The following PSD3 variants were observed in gnomAD, a reference collection of about 807,000 sequenced individuals.
The protein encoded by PSD3 is PH and SEC7 domain-containing protein 3.
PSD3 carries 49 observed loss-of-function variants against 105.5 expected under a neutral mutation model. The observed-to-expected ratio is 0.46, with a 90% CI of 0.37 to 0.59. The LOEUF (loss-of-function observed/expected upper bound fraction) is 0.59, where lower values mean the gene tolerates loss of function less well. Among genes scored for constraint, PSD3 ranks in the 20% least tolerant of loss-of-function variants. PSD3 has a pLI of 0.00. For missense variants in PSD3, 1,561 were observed against 1,263.8 expected, an observed-to-expected ratio of 1.24 and a Z score of -3.57; for synonymous variants, 557 against 457.8, an observed-to-expected ratio of 1.22 and a Z score of -2.77.
intron 10 of PSD3, among the ~76,000 whole-genome samples, chr8:18,642,824 G>A (rs1807750085): frequency 6.6e-6 from 1 of 152,164 alleles, no homozygotes; most frequent in East Asian, 1.9e-4. Context: ...TAGACATGAA[G>A]CAAACAATGT....
chr8:18,657,957 A>AT (rs1809025667), intron 9 of PSD3, among the ~76,000 whole-genome samples: 1 of 152,218 alleles, frequency 6.6e-6, no homozygotes, highest in Non-Finnish European at 1.5e-5. Flanking sequence ...TCTAGCACAA[A>AT]TTTTTTCAAA....
intron 11 of PSD3, among the ~76,000 whole-genome samples, chr8:18,615,973 A>G (rs1167399495): frequency 6.6e-6 from 1 of 152,264 alleles, no homozygotes; most frequent in Non-Finnish European, 1.5e-5. Context: ...AAAATAACTC[A>G]AAGTGGCTGA....
At chr8:18,592,706 A>C (rs1465302406) in intron 12 of PSD3, among the ~76,000 whole-genome samples, 1 of 152,142 alleles carries the variant, frequency 6.6e-6, no homozygotes, top group Non-Finnish European at 1.5e-5. Flanking sequence ...ACAAACAAAC[A>C]AACAAACAAA....
At position 18,676,615 on chromosome 8, in the gene PSD3, G is replaced by A. The variant is rs1443452974; in HGVS notation, c.2173-20930C>T. Among the ~76,000 whole-genome samples, 8 of 152,158 alleles carry A rather than the reference G, an allele frequency of 5.3e-5. No homozygotes were observed. The South Asian group carries it at 1.7e-3, about 32-fold the overall frequency. The stretch of plus-strand genomic sequence containing the variant: ...TGCCGAACAATTGATTTACAGCCTT[G>A]TTGCTGCTGGCCAGACCAGCGAGGA... On this transcript the variant is annotated intron_variant, in intron 9 of 15. Transcript: ENST00000327040.
chr8:18,789,901 C>T (rs1041930992), intron 8 of PSD3, among the ~76,000 whole-genome samples: 2 of 152,080 alleles, frequency 1.3e-5, no homozygotes, highest in Non-Finnish European at 2.9e-5. Flanking sequence ...CAGAACTGTG[C>T]CAATGTAAAA....
chr8:18,973,139 G>A (rs998329782), intron 1 of PSD3, among the ~76,000 whole-genome samples: 1 of 152,144 alleles, frequency 6.6e-6, no homozygotes, highest in Non-Finnish European at 1.5e-5. Flanking sequence ...TGGACCATCT[G>A]GGGGTTCTGA....
In PSD3 at chr8:18,716,225, C is replaced by T. The variant is rs541507111; in HGVS notation, c.2172+49224G>A. Reference sequence around the variant, plus strand: ...AAGGCTGAATGTCTACGAAACACGCCCACATCCATACTTACCACTCATGGT... The same window carrying T: ...AAGGCTGAATGTCTACGAAACACGCTCACATCCATACTTACCACTCATGGT... On this transcript the variant is annotated intron_variant, in intron 9 of 15. Coordinates refer to ENST00000327040, the MANE Select transcript of PSD3 (RefSeq NM_015310.4). Among the ~76,000 whole-genome samples the T allele has an allele frequency of 1.4e-4, 22 of 152,278 alleles. No individual in the cohort carries two copies. In the East Asian group the frequency reaches 2.3e-3, roughly 16 times the overall value.
chr8:18,540,245 A>G (rs1800084125), intron 15 of PSD3, among the ~76,000 whole-genome samples: 1 of 152,208 alleles, frequency 6.6e-6, no homozygotes, highest in Non-Finnish European at 1.5e-5. Flanking sequence ...TTGTTTTTTA[A>G]GACATAATGC....
intron 4 of PSD3, among the ~76,000 whole-genome samples, chr8:18,811,863 A>T (rs184397753): frequency 1.3e-5 from 2 of 152,300 alleles, no homozygotes; most frequent in Non-Finnish European, 1.5e-5. Context: ...TTTTTATGAC[A>T]CTCCAAGGCC....
At chr8:18,994,893 A>G (rs929017189) in intron 1 of PSD3, among the ~76,000 whole-genome samples, 7 of 151,856 alleles carry the variant, frequency 4.6e-5, no homozygotes, top group Non-Finnish European at 8.8e-5. Context: ...TTCAGAGTTC[A>G]GATAATTAAT....
chr8:18,971,156 T>C (rs746847889), intron 1 of PSD3, among the ~76,000 whole-genome samples: 4 of 152,014 alleles, frequency 2.6e-5, no homozygotes, highest in African/African-American at 2.4e-5. Context: ...CCTTCCTATG[T>C]AGATTACAAA....
chr8:18,817,570 A>G lies in PSD3; in HGVS notation c.1635-12672T>C, dbSNP rs532428619. On this transcript the variant is annotated intron_variant, in intron 4 of 15. Coordinates refer to ENST00000327040, the MANE Select transcript of PSD3 (RefSeq NM_015310.4). ...AATCAAATTGCAAGAAGCTTAAAGG[A>G]AAAGTCAAACAACTGTGTACTCGTC... Among the ~76,000 whole-genome samples the G allele has an allele frequency of 8.2e-4, 125 of 152,358 alleles. 2 individuals carry two copies. The South Asian group carries it at 0.026, about 31-fold the overall frequency.
At position 18,782,461 on chromosome 8, in the gene PSD3, T is replaced by A. The variant is rs565296133; in HGVS notation, c.2082+16834A>T. On this transcript the variant is annotated intron_variant, in intron 8 of 15. Coordinates refer to ENST00000327040, the MANE Select transcript of PSD3 (RefSeq NM_015310.4). The stretch of plus-strand genomic sequence containing the variant: ...CTTTAGCATCAGTGGTGTCTATGAG[T>A]TCCTCAGTGGATAAAGCTGTGGCTT... 2.0e-5 allele frequency among the ~76,000 whole-genome samples: 3 copies of A among 152,296 alleles called. No individual in the cohort carries two copies. In the South Asian group the frequency reaches 6.2e-4, roughly 32 times the overall value.
At chr8:18,681,188 G>C (rs1199621101) in intron 9 of PSD3, among the ~76,000 whole-genome samples, 1 of 152,108 alleles carries the variant, frequency 6.6e-6, no homozygotes, top group Non-Finnish European at 1.5e-5. Flanking sequence ...TTTTTTACAG[G>C]TTGGGAAGAT....
At chr8:18,621,908 T>A (rs927409919) in intron 11 of PSD3, among the ~76,000 whole-genome samples, 1 of 152,266 alleles carries the variant, frequency 6.6e-6, no homozygotes, top group African/African-American at 2.4e-5. Context: ...CAAAGAATTC[T>A]GCCTGCATTA....
chr8:18,865,261 TATATATATATATATATATATA>T (rs1340686466), intron 4 of PSD3: 363 of 7,782 alleles, frequency 0.047, 50 homozygotes, highest in Non-Finnish European at 0.055. Flanking sequence ...TATATATATA[TATATATATATATATATATATA>T]TATATTTTTT....
chr8:18,822,392 T>A (rs1040430470), intron 4 of PSD3, among the ~76,000 whole-genome samples: 1 of 152,162 alleles, frequency 6.6e-6, no homozygotes, highest in African/African-American at 2.4e-5. Flanking sequence ...TTAGTAGTAG[T>A]ACAGTCCATC....
intron 11 of PSD3, among the ~76,000 whole-genome samples, chr8:18,604,080 G>C (rs1804637847): frequency 6.6e-6 from 1 of 152,116 alleles, no homozygotes; most frequent in South Asian, 2.1e-4. Context: ...AGCTACTTTT[G>C]AACTGGATAA....
At chr8:18,655,325 C>A (rs1287895929) in intron 10 of PSD3, among the ~76,000 whole-genome samples, 4 of 113,534 alleles carry the variant, frequency 3.5e-5, no homozygotes, top group Non-Finnish European at 5.4e-5. Context: ...CCAGACTCCA[C>A]CTCAAAAAAA....
Sources: gnomAD v4.1 joint callset for allele counts (sites outside exome capture counted in the v4.1 genomes callset) on GRCh38, gnomAD v4.1.1 for gene constraint, MANE v1.5 for transcripts, NCBI Gene and HGNC (gene_info 2026-07-23, HGNC 2026-07-21) for gene names.